Variants in FRMPD3 observed in about 807,000 individuals in gnomAD.
The protein encoded by FRMPD3 is FERM and PDZ domain containing 3.
A neutral mutation model predicts 97.9 loss-of-function variants in FRMPD3; 42 were observed. The observed-to-expected ratio is 0.43, with a 90% CI of 0.34 to 0.55. FRMPD3 has a LOEUF of 0.55. FRMPD3 is among the 20% of genes least tolerant of loss of function. The pLI, the probability that FRMPD3 is intolerant of heterozygous loss-of-function variation, is 0.03. For missense variants in FRMPD3, 1,303 were observed against 1,457.7 expected (o/e 0.89, Z 1.73); for synonymous variants, 577 against 581.1 (o/e 0.99, Z 0.10).
Position 107,602,138 on chromosome X carries a change from G to A in FRMPD3, c.4099G>A (p.Glu1367Lys). ...GTCCCGAGAGTGCCGATCGGACCCTGAGAGTGGTGTTTCGTGCCTGACCAC... is the reference window on the plus strand; with the variant it reads ...GTCCCGAGAGTGCCGATCGGACCCTAAGAGTGGTGTTTCGTGCCTGACCAC... ...LESRECRSDP[E>K]SGVSCLTTCA... Residue 1367 changes from glutamate to lysine, a missense_variant, in exon 15 of 15, where the codon GAG (glutamate) becomes AAG (lysine). Coordinates refer to ENST00000683843, the MANE Select transcript of FRMPD3 (RefSeq NM_001388459.1). 8.3e-7 allele frequency: 1 copy of A among 1,211,249 alleles called. No individual in the cohort carries two copies. Among genetic ancestry groups the A allele is most frequent in the Non-Finnish European group, 1.1e-6 (1 of 895,476 alleles).
chrX:107,589,350 T>C (rs1270991681), intron 13 of FRMPD3, among the ~76,000 whole-genome samples: 4 of 111,097 alleles, frequency 3.6e-5, no homozygotes, highest in Non-Finnish European at 5.7e-5. Context: ...AGGTCCCTCT[T>C]CCGTACGGCT....
In FRMPD3 at chrX:107,597,335, G is replaced by A. The variant is rs745907149; in HGVS notation, c.1456G>A (p.Ala486Thr). 13 of 1,201,798 alleles carry A rather than the reference G, an allele frequency of 1.1e-5. No homozygotes were observed. The highest frequency in any genetic ancestry group is 5.9e-5 in the East Asian group (2 of 33,707). ...PMIKADYMHS[A>T]HRPVTGGHLG... ...TCTGGGTTTAGATTACATGCACAGC[G>A]CCCACCGCCCTGTCACTGGGGGCCA... is the stretch of plus-strand genomic sequence containing the variant. The change falls in exon 14 of 15, where the codon GCC becomes ACC. Residue 486 changes from alanine to threonine, a missense_variant. Coordinates refer to ENST00000683843, the MANE Select transcript of FRMPD3 (RefSeq NM_001388459.1).
rs1924598573 is a variant in FRMPD3 at position 107,602,745 on chromosome X, C to T, written c.4706C>T (p.Thr1569Ile). 4 of 1,209,611 alleles carry T rather than the reference C, an allele frequency of 3.3e-6. No homozygotes were observed. The highest frequency in any genetic ancestry group is 2.2e-5 in the Admixed American group (1 of 46,074). ...RTQEIDLRVS[T>I]FEGSLAKINA... The stretch of plus-strand genomic sequence containing the variant: ...CAGGAGATTGACCTCCGTGTGTCCA[C>T]CTTCGAGGGGAGCCTGGCCAAGATC... Residue 1569 changes from threonine (T) to isoleucine (I), a missense_variant, in exon 15 of 15, where the codon ACC becomes ATC. Physicochemically the swap from Thr to Ile is moderately conservative, Grantham distance 89. Transcript: ENST00000683843.
chrX:107,532,431 G>C (rs1048104944), intron 3 of FRMPD3, among the ~76,000 whole-genome samples: 1 of 112,418 alleles, frequency 8.9e-6, no homozygotes, highest in African/African-American at 3.2e-5. Context: ...AGATAATGGA[G>C]AACCTTTGAA....
intron 4 of FRMPD3, among the ~76,000 whole-genome samples, chrX:107,538,922 G>A (rs910873805): frequency 8.9e-6 from 1 of 112,641 alleles, no homozygotes; most frequent in African/African-American, 3.2e-5. Flanking sequence ...GCCTCCCAAA[G>A]TACTGGGATT....
rs1387355287 is a variant in FRMPD3, at chrX:107,550,175, C to T, written c.510+19C>T. 1 of 1,044,885 alleles carries T rather than the reference C, an allele frequency of 9.6e-7. No individual in the cohort carries two copies. Among genetic ancestry groups the T allele is most frequent in the African/African-American group, 1.8e-5 (1 of 54,188 alleles). The allele number at this position is 1,044,885 out of a possible 1,213,427, so 86.1% of individuals were successfully genotyped here. ...TGTTAAGGTACATACAGTCTCCTCC[C>T]CCTGGTCAGCATTGCCCTCTCCAGA... On this transcript the variant is annotated intron_variant, in intron 6 of 14. Transcript: ENST00000683843.
At chrX:107,487,109 C>T (rs1282462763) in intron 1 of FRMPD3, among the ~76,000 whole-genome samples, 1 of 107,612 alleles carries the variant, frequency 9.3e-6, no homozygotes, top group African/African-American at 3.4e-5. Flanking sequence ...AAAAAAATAA[C>T]TGAGCGTGGT....
chrX:107,467,023 T>TGTGTGAGA (rs1170634963), intron 1 of FRMPD3, among the ~76,000 whole-genome samples: 3 of 98,318 alleles, frequency 3.1e-5, no homozygotes, highest in African/African-American at 1.2e-4. Flanking sequence ...TGTGTGTGTG[T>TGTGTGAGA]GAGAGAGAGA....
rs764205860 is a variant in FRMPD3, at chrX:107,597,936, G to C, written c.2057G>C (p.Arg686Pro). The C allele has an allele frequency of 1.9e-5, 23 of 1,208,643 alleles. No individual in the cohort carries two copies. In the East Asian group the frequency reaches 5.0e-4, roughly 26 times the overall value. The change falls in exon 14 of 15, where the codon CGG (arginine) becomes CCG (proline). Residue 686 changes from arginine (R) to proline (P), a missense_variant. Transcript: ENST00000683843. ...TCTGATGAGGATGACCCCAAGCGCC[G>C]GGCTGTCCAGAGCCAGGAACAAGGA... The part of the protein sequence containing the change: ...NSSDEDDPKR[R>P]AVQSQEQGRH...
At chrX:107,498,951 C>A (rs1485010274) in intron 1 of FRMPD3, among the ~76,000 whole-genome samples, 3 of 110,956 alleles carry the variant, frequency 2.7e-5, no homozygotes, top group African/African-American at 9.8e-5. Context: ...GCCAGAGAGA[C>A]CCCAACCAAA....
intron 1 of FRMPD3, among the ~76,000 whole-genome samples, chrX:107,467,887 T>C (rs112063382): frequency 0.014 from 1,532 of 111,609 alleles, 23 homozygotes; most frequent in South Asian, 0.12. Flanking sequence ...TTAGATTTCC[T>C]TTCCTTCAAC....
In FRMPD3 at chrX:107,600,893, AC is replaced by A. The variant is rs1306136954; in HGVS notation, c.2858del (p.Pro953LeufsTer17). ...KLILDPKSSV[T>X]PAIISAALQQ... The stretch of plus-strand genomic sequence containing the variant: ...TATCCTCGACCCAAAGAGCAGTGTG[AC>A]CCCTGCCATCATCTCGGCCGCCCTA... On this transcript the variant is annotated frameshift_variant, in exon 15 of 15. Coordinates refer to ENST00000683843, the MANE Select transcript of FRMPD3 (RefSeq NM_001388459.1). LOFTEE classifies it high-confidence loss of function. 8.3e-7 allele frequency: 1 copy of A among 1,207,210 alleles called. No homozygotes were observed. Among genetic ancestry groups the A allele is most frequent in the African/African-American group, 1.8e-5 (1 of 56,943 alleles).
At chrX:107,548,872 G>A (rs141654975) in intron 5 of FRMPD3, among the ~76,000 whole-genome samples, 149 of 111,186 alleles carry the variant, frequency 1.3e-3, no homozygotes, top group African/African-American at 4.7e-3. Context: ...AACAAAATAC[G>A]GTAAGAGCAT....
intron 4 of FRMPD3, among the ~76,000 whole-genome samples, chrX:107,535,112 C>T (rs1024439544): frequency 2.7e-5 from 3 of 112,208 alleles, no homozygotes; most frequent in Admixed American, 9.4e-5. Context: ...TTTACTACTG[C>T]GATCAGAGAC....
intron 12 of FRMPD3, among the ~76,000 whole-genome samples, chrX:107,573,192 C>G (rs536976097): frequency 4.5e-5 from 5 of 111,767 alleles, no homozygotes; most frequent in African/African-American, 1.6e-4. Flanking sequence ...AGCACACAGG[C>G]CACCCACTCA....
At chrX:107,490,339 A>T (rs1339247683) in intron 1 of FRMPD3, among the ~76,000 whole-genome samples, 1 of 111,924 alleles carries the variant, frequency 8.9e-6, no homozygotes. Context: ...TTGGTTCCAT[A>T]TGAACTTTAA....
intron 13 of FRMPD3, among the ~76,000 whole-genome samples, chrX:107,592,500 T>G (rs1923954052): frequency 9.0e-6 from 1 of 111,701 alleles, no homozygotes; most frequent in African/African-American, 3.3e-5. Context: ...TGTGCCCAAC[T>G]GTACCACATT....
intron 1 of FRMPD3, among the ~76,000 whole-genome samples, chrX:107,507,328 G>A (rs1922057742): frequency 9.0e-6 from 1 of 110,863 alleles, no homozygotes; most frequent in Non-Finnish European, 1.9e-5. Context: ...TTTGGACGCT[G>A]TTGGAAAAGT....
intron 1 of FRMPD3, among the ~76,000 whole-genome samples, chrX:107,513,527 C>T (rs1922222059): frequency 9.0e-6 from 1 of 111,702 alleles, no homozygotes; most frequent in Admixed American, 9.5e-5. Context: ...CTGTCACTCC[C>T]CTAAAAAGGC....
Sources: gnomAD v4.1 joint callset for allele counts (sites outside exome capture counted in the v4.1 genomes callset) on GRCh38, gnomAD v4.1.1 for gene constraint, MANE v1.5 for transcripts, NCBI Gene and HGNC (gene_info 2026-07-23, HGNC 2026-07-21) for gene names.